The following ADAMTS18 variants were observed in gnomAD, a reference collection of about 807,000 sequenced individuals.
ADAMTS18 encodes the protein A disintegrin and metalloproteinase with thrombospondin motifs 18.
Under a neutral mutation model 165.9 loss-of-function variants are expected in ADAMTS18, and 157 were observed. The observed-to-expected ratio is 0.95, with a 90% confidence interval of 0.83 to 1.08. The LOEUF is 1.08. Ranked by LOEUF, ADAMTS18 falls within the 50% of genes least tolerant of loss-of-function variation. ADAMTS18 has a pLI of 0.00. For missense variants in ADAMTS18, 2,040 were observed against 1,534.0 expected (o/e 1.33, Z -5.51); for synonymous variants, 782 against 578.2 (o/e 1.35, Z -5.06).
intron 3 of ADAMTS18, among the ~76,000 whole-genome samples, chr16:77,369,073 C>A (rs1483226529): frequency 6.6e-6 from 1 of 152,188 alleles, no homozygotes; most frequent in Non-Finnish European, 1.5e-5. Flanking sequence ...GTAGCTTCAG[C>A]CTCACCCAGG....
intron 3 of ADAMTS18, among the ~76,000 whole-genome samples, chr16:77,374,907 A>G (rs1057110502): frequency 6.6e-6 from 1 of 152,214 alleles, no homozygotes; most frequent in African/African-American, 2.4e-5. Flanking sequence ...ATATTAAAAA[A>G]GAAAAGTATT....
intron 11 of ADAMTS18, among the ~76,000 whole-genome samples, chr16:77,339,609 A>G (rs2056368275): frequency 6.6e-6 from 1 of 151,430 alleles, no homozygotes; most frequent in African/African-American, 2.4e-5. Flanking sequence ...AAAAAAAAAA[A>G]CAAAACACTA....
At chr16:77,349,644 C>T (rs1294518456) in intron 10 of ADAMTS18, among the ~76,000 whole-genome samples, 1 of 151,938 alleles carries the variant, frequency 6.6e-6, no homozygotes, top group East Asian at 1.9e-4. Flanking sequence ...CCGCCATTTC[C>T]CCTTTAAAGT....
intron 3 of ADAMTS18, among the ~76,000 whole-genome samples, chr16:77,400,638 C>T (rs1174471159): frequency 1.3e-5 from 2 of 151,796 alleles, no homozygotes; most frequent in African/African-American, 4.8e-5. Flanking sequence ...CCCGTCACCG[C>T]ACCCGGCTAA....
chr16:77,374,530 C>T (rs1006959288), intron 3 of ADAMTS18, among the ~76,000 whole-genome samples: 9 of 152,088 alleles, frequency 5.9e-5, no homozygotes, highest in African/African-American at 2.2e-4. Context: ...AGACCAAAAA[C>T]ACCATTTAAA....
Position 77,353,838 on chromosome 16 carries a change from C to A in ADAMTS18, c.1509G>T (p.Gln503His), listed in dbSNP as rs769519355. The change falls in exon 10 of 23, where the codon CAG (glutamine) becomes CAT (histidine). Residue 503 changes from glutamine (Q) to histidine (H), a missense_variant. By Grantham distance (24) the Gln-to-His change is conservative (BLOSUM62 0). Coordinates refer to ENST00000282849, the MANE Select transcript of ADAMTS18 (RefSeq NM_199355.4). Reference sequence around the variant, plus strand: ...CTGGTAGTTTGTCCGGATATTTATACTGTCCTGCTTGCTTGGGCTCATCCA... The same window carrying A: ...CTGGTAGTTTGTCCGGATATTTATAATGTCCTGCTTGCTTGGGCTCATCCA... ...CLVDEPKQAGQYKYPDKLPGQ... is the reference protein window; with the variant it reads ...CLVDEPKQAGHYKYPDKLPGQ... The A allele has an allele frequency of 1.9e-6, 3 of 1,614,014 alleles. No homozygotes were observed. The highest frequency in any genetic ancestry group is 2.5e-6 in the Non-Finnish European group (3 of 1,180,034).
At position 77,295,033 on chromosome 16, in the gene ADAMTS18, T is replaced by A; in HGVS notation, c.2896A>T (p.Lys966Ter). 1 of 1,614,186 alleles carries A rather than the reference T, an allele frequency of 6.2e-7. No individual in the cohort carries two copies. The highest frequency in any genetic ancestry group is 8.5e-7 in the Non-Finnish European group (1 of 1,180,028). The change falls in exon 19 of 23, where the codon AAG (lysine) becomes TAG (stop). Residue 966 changes from lysine (K) to a stop codon, truncating the protein, a stop_gained. Transcript: ENST00000282849. LOFTEE classifies it high-confidence loss of function. ...AGAGAATGCAACACTGCTTCCTCCTTTTGGAAGGGCTTCTTTTGCACACAC... is the reference window on the plus strand; with the variant it reads ...AGAGAATGCAACACTGCTTCCTCCTATTGGAAGGGCTTCTTTTGCACACAC... ...IQCVQKKPFQ[K>*]EEAVLHSLCP...
At chr16:77,291,559 G>A in intron 20 of ADAMTS18, 81 bp from the exon 21 acceptor site, 1 of 1,374,862 alleles carries the variant, frequency 7.3e-7, no homozygotes, top group Non-Finnish European at 1.0e-6. Flanking sequence ...ACATAAGGTT[G>A]CACCATCCAC....
chr16:77,308,785 G>A (rs1421741938), intron 16 of ADAMTS18, among the ~76,000 whole-genome samples: 1 of 152,146 alleles, frequency 6.6e-6, no homozygotes, highest in African/African-American at 2.4e-5. Context: ...TACTTCAGAT[G>A]AACTGTCAAC....
chr16:77,342,458 T>TTGAC (rs3067838), intron 10 of ADAMTS18, among the ~76,000 whole-genome samples: 74,518 of 151,328 alleles, frequency 0.49, 19,035 homozygotes, highest in East Asian at 0.88. Flanking sequence ...TTATAGTTTA[T>TTGAC]TGACTGACTG....
intron 16 of ADAMTS18, among the ~76,000 whole-genome samples, chr16:77,309,837 T>TCCA (rs2055747842): frequency 6.6e-6 from 1 of 152,296 alleles, no homozygotes; most frequent in South Asian, 2.1e-4. Flanking sequence ...TTGAGGTAAG[T>TCCA]CCACTGTGAA....
chr16:77,398,281 C>T (rs2144804046), intron 3 of ADAMTS18, among the ~76,000 whole-genome samples: 1 of 152,120 alleles, frequency 6.6e-6, no homozygotes, highest in South Asian at 2.1e-4. Context: ...CACGCCACTG[C>T]ACTACAGCCT....
At chr16:77,296,400 G>A (rs2055472918) in intron 18 of ADAMTS18, among the ~76,000 whole-genome samples, 1 of 151,964 alleles carries the variant, frequency 6.6e-6, no homozygotes, top group Admixed American at 6.6e-5. Context: ...GGGTTTCATG[G>A]CCCGCATAAT....
In ADAMTS18 at chr16:77,341,906, A is replaced by G. The variant is rs529866941; in HGVS notation, c.1615-107T>C. The stretch of plus-strand genomic sequence containing the variant: ...TATATTTTGGGGTAGCTGAAATCAG[A>G]GCAATTATTCAGAAAGTAGAGGCCA... On this transcript the variant is annotated intron_variant, in intron 10 of 22. Transcript: ENST00000282849. The G allele has an allele frequency of 1.1e-5, 10 of 910,218 alleles. No homozygotes were observed. In the East Asian group the frequency reaches 2.4e-4, roughly 22 times the overall value. 56.4% of individuals were successfully genotyped at this position (910,218 alleles called of 1,614,324 possible). A position where few individuals can be genotyped will look rare whatever the true frequency, so the allele number is the denominator to read the frequency against.
intron 9 of ADAMTS18, among the ~76,000 whole-genome samples, chr16:77,354,583 T>C (rs1026434806): frequency 6.6e-6 from 1 of 151,050 alleles, no homozygotes; most frequent in Non-Finnish European, 1.5e-5. Context: ...ATTATCATGG[T>C]GGTTAAGTGT....
At chr16:77,343,077 T>TC (rs1204870678) in intron 10 of ADAMTS18, among the ~76,000 whole-genome samples, 1 of 150,978 alleles carries the variant, frequency 6.6e-6, no homozygotes, top group East Asian at 1.9e-4. Context: ...TTACTTTCTT[T>TC]TTTTTTTTTT....
At chr16:77,322,246 A>G in intron 14 of ADAMTS18, 90 bp downstream of exon 14, 1 of 1,529,122 alleles carries the variant, frequency 6.5e-7, no homozygotes, top group South Asian at 1.1e-5. Flanking sequence ...TTCTCCAGAC[A>G]CACAATCTCT....
At chr16:77,433,692 T>C (rs956597049) in intron 2 of ADAMTS18, among the ~76,000 whole-genome samples, 1 of 152,184 alleles carries the variant, frequency 6.6e-6, no homozygotes, top group African/African-American at 2.4e-5. Context: ...TTCTAAAGAA[T>C]CCAGGTTGAG....
intron 4 of ADAMTS18, among the ~76,000 whole-genome samples, chr16:77,367,110 A>G (rs749225640): frequency 6.6e-6 from 1 of 152,190 alleles, no homozygotes; most frequent in Non-Finnish European, 1.5e-5. Flanking sequence ...GAGACATCCA[A>G]CCACACCTAG....
Sources: gnomAD v4.1 joint callset for allele counts (sites outside exome capture counted in the v4.1 genomes callset) on GRCh38, gnomAD v4.1.1 for gene constraint, MANE v1.5 for transcripts, NCBI Gene and HGNC (gene_info 2026-07-23, HGNC 2026-07-21) for gene names.